CEMIP: variants seen among roughly 807,000 people sequenced by gnomAD.
CEMIP encodes cell migration-inducing and hyaluronan-binding protein.
In CEMIP, 105 loss-of-function variants were observed where a neutral mutation model predicts 156.9. The ratio of observed to expected loss-of-function variants is 0.67; its 90% CI spans 0.57 to 0.79. The LOEUF (loss-of-function observed/expected upper bound fraction) is 0.79. CEMIP is among the 30% of genes least tolerant of loss of function. The probability of loss-of-function intolerance (pLI) is 0.00; values close to 1 mark genes in which losing one functional copy is unlikely to be tolerated. For missense variants in CEMIP, 1,457 were observed against 1,769.4 expected (o/e 0.82, Z 3.17); for synonymous variants, 676 against 668.4 (o/e 1.01, Z -0.17).
At position 80,906,779 on chromosome 15, in the gene CEMIP, C is replaced by T. The variant is rs1899824741; in HGVS notation, c.1528C>T (p.Pro510Ser). Reference sequence around the variant, plus strand: ...GGGGGAGATGGAGGACAAATGCTACCCCTACAGAAACCACATCTGCAATTT... The same window carrying T: ...GGGGGAGATGGAGGACAAATGCTACTCCTACAGAAACCACATCTGCAATTT... Reference protein sequence around the residue: ...VMGEMEDKCYPYRNHICNFFD... With the variant: ...VMGEMEDKCYSYRNHICNFFD... Residue 510 changes from proline (P) to serine (S), a missense_variant, in exon 13 of 30, where the codon CCC (proline) becomes TCC (serine). Coordinates refer to ENST00000394685, the MANE Select transcript of CEMIP (RefSeq NM_001293298.2). This position sits in a 1 kb window ranked among gnomAD's most constrained non-coding sequence, Gnocchi z 4.3. The T allele has an allele frequency of 5.6e-6, 9 of 1,614,018 alleles. No individual in the cohort carries two copies. The highest frequency in any genetic ancestry group is 7.6e-6 in the Non-Finnish European group (9 of 1,180,028).
At chr15:80,893,251 TTGA>T (rs1296223490) in intron 10 of CEMIP, among the ~76,000 whole-genome samples, 6 of 152,136 alleles carry the variant, frequency 3.9e-5, no homozygotes, top group African/African-American at 1.4e-4. Flanking sequence ...AGTTATTATA[TTGA>T]TAATTATTTT....
chr15:80,883,966 G>A (rs1210943033), intron 6 of CEMIP, among the ~76,000 whole-genome samples: 1 of 152,226 alleles, frequency 6.6e-6, no homozygotes, highest in Non-Finnish European at 1.5e-5. Flanking sequence ...TTATGGTCAA[G>A]TCAAAACCCT....
Position 80,950,887 on chromosome 15 carries a change from G to C in CEMIP, c.*1963G>C, listed in dbSNP as rs1168061816. On this transcript the variant is annotated 3_prime_UTR_variant, in exon 30 of 30. Transcript: ENST00000394685. ...CCAACCACAAACTCTTTCCTTCAAA[G>C]AGGGCCTGCCTGGCTCCCTCCACCC... 2.6e-5 allele frequency: 4 copies of C among 152,764 alleles called. No individual in the cohort carries two copies. The highest frequency in any genetic ancestry group is 9.6e-5 in the African/African-American group (4 of 41,454). 9.5% of individuals were successfully genotyped at this position (152,764 alleles called of 1,614,324 possible).
chr15:80,920,352 G>T, intron 15 of CEMIP, 53 bp downstream of exon 15: 1 of 1,512,916 alleles, frequency 6.6e-7, no homozygotes, highest in Non-Finnish European at 9.1e-7. Context: ...GTACATGTGT[G>T]TGCATGTGTT....
intron 1 of CEMIP, among the ~76,000 whole-genome samples, chr15:80,807,164 T>C (rs1056117635): frequency 1.3e-5 from 2 of 151,884 alleles, no homozygotes; most frequent in African/African-American, 4.8e-5. Context: ...GAGAAATAAA[T>C]TGTAGACAGT....
intron 1 of CEMIP, among the ~76,000 whole-genome samples, chr15:80,848,378 G>A (rs566000225): frequency 5.9e-5 from 9 of 152,242 alleles, no homozygotes; most frequent in Admixed American, 2.0e-4. Context: ...TCCATGCTCT[G>A]ACACCTCGGG....
At chr15:80,895,737 G>T in intron 11 of CEMIP, 132 bp from the exon 12 acceptor site, 1 of 792,668 alleles carries the variant, frequency 1.3e-6, no homozygotes. Flanking sequence ...GATGGAGCAA[G>T]CCAGTGATCT....
chr15:80,792,052 T>C (rs1222144368), intron 1 of CEMIP, among the ~76,000 whole-genome samples: 1 of 152,210 alleles, frequency 6.6e-6, no homozygotes, highest in African/African-American at 2.4e-5. Context: ...TTTAGCAAAA[T>C]AAACCCACCC....
At chr15:80,918,283 A>G (rs539713566) in intron 14 of CEMIP, among the ~76,000 whole-genome samples, 37 of 152,122 alleles carry the variant, frequency 2.4e-4, no homozygotes, top group African/African-American at 8.9e-4. Context: ...TCACAAAAAG[A>G]AAAAAGAAAA....
Position 80,878,826 on chromosome 15 carries a change from C to T in CEMIP, c.200C>T (p.Thr67Ile). The T allele has an allele frequency of 6.2e-7, 1 of 1,614,202 alleles. No individual in the cohort carries two copies. Among genetic ancestry groups the T allele is most frequent in the Non-Finnish European group, 8.5e-7 (1 of 1,180,028 alleles). Reference protein sequence around the residue: ...HIGQGKTLLLTSSATVYSIHI... With the variant: ...HIGQGKTLLLISSATVYSIHI... ...GGCCAGGGCAAGACACTGCTGCTCA[C>T]CTCTTCTGCCACGGTCTATTCCATC... The change falls in exon 4 of 30, where the codon ACC becomes ATC. Residue 67 changes from threonine to isoleucine, a missense_variant. Around this residue, in one of 5 missense-constraint regions of CEMIP, gnomAD observed 309 missense variants for 340.8 expected, o/e 0.91. Coordinates refer to ENST00000394685, the MANE Select transcript of CEMIP (RefSeq NM_001293298.2).
intron 13 of CEMIP, among the ~76,000 whole-genome samples, chr15:80,908,193 A>C (rs1308871772): frequency 6.6e-6 from 1 of 152,176 alleles, no homozygotes; most frequent in African/African-American, 2.4e-5. Context: ...CTAAAGCAGA[A>C]ATAGCAGGTC....
chr15:80,897,964 G>C (rs1320625932), intron 12 of CEMIP, among the ~76,000 whole-genome samples: 1 of 152,232 alleles, frequency 6.6e-6, no homozygotes, highest in Non-Finnish European at 1.5e-5. Context: ...GTGAGCCACT[G>C]AGGAATTTTC....
chr15:80,865,828 A>G (rs572634626), intron 1 of CEMIP, among the ~76,000 whole-genome samples: 3 of 152,310 alleles, frequency 2.0e-5, no homozygotes, highest in African/African-American at 7.2e-5. Context: ...GAGTAATTAC[A>G]GGCTGACTTT....
At chr15:80,872,361 G>C (rs1898324993) in intron 1 of CEMIP, among the ~76,000 whole-genome samples, 1 of 152,186 alleles carries the variant, frequency 6.6e-6, no homozygotes, top group Non-Finnish European at 1.5e-5. Context: ...CAGAGGGCTT[G>C]CACAAAGACA....
At chr15:80,834,375 G>C (rs1897224664) in intron 1 of CEMIP, among the ~76,000 whole-genome samples, 1 of 151,916 alleles carries the variant, frequency 6.6e-6, no homozygotes, top group Non-Finnish European at 1.5e-5. Flanking sequence ...ACACATCTTT[G>C]CCTGTCCTAC....
At chr15:80,893,182 A>T (rs1035566157) in intron 10 of CEMIP, among the ~76,000 whole-genome samples, 1 of 151,640 alleles carries the variant, frequency 6.6e-6, no homozygotes, top group South Asian at 2.1e-4. Context: ...GCTCTGTCTC[A>T]AAATAAATAA....
intron 28 of CEMIP, among the ~76,000 whole-genome samples, chr15:80,944,567 C>T (rs939335645): frequency 4.6e-5 from 7 of 152,172 alleles, no homozygotes; most frequent in African/African-American, 1.7e-4. Flanking sequence ...TTCCCAGATG[C>T]TGACTCCATG....
At chr15:80,818,433 A>G (rs1896837335) in intron 1 of CEMIP, among the ~76,000 whole-genome samples, 1 of 152,260 alleles carries the variant, frequency 6.6e-6, no homozygotes, top group African/African-American at 2.4e-5. Flanking sequence ...AAAGGAGAAG[A>G]GAATCAGAGT....
intron 1 of CEMIP, among the ~76,000 whole-genome samples, chr15:80,821,641 G>C (rs988322150): frequency 6.6e-6 from 1 of 152,188 alleles, no homozygotes; most frequent in Admixed American, 6.5e-5. Context: ...GTGTGAGAGG[G>C]GACAGTGTGA....
Sources: gnomAD v4.1 joint callset for allele counts (sites outside exome capture counted in the v4.1 genomes callset) on GRCh38, gnomAD v4.1.1 for gene constraint, gnomAD v4.1.1 regional missense constraint, Gnocchi (gnomAD v3.1) non-coding constraint, MANE v1.5 for transcripts, NCBI Gene and HGNC (gene_info 2026-07-23, HGNC 2026-07-21) for gene names.